Variants in PCDHGA7 observed in about 807,000 individuals in gnomAD.
PCDHGA7 encodes protocadherin gamma-A7.
A neutral mutation model predicts 58.3 loss-of-function variants in PCDHGA7; 44 were observed. The ratio of observed to expected loss-of-function variants is 0.75; its 90% CI spans 0.59 to 0.97. The LOEUF (loss-of-function observed/expected upper bound fraction) is 0.97, where lower values mean the gene tolerates loss of function less well. PCDHGA7 is among the 50% of genes least tolerant of loss of function. The pLI is 0.00. For missense variants in PCDHGA7, 1,266 were observed against 1,188.7 expected, an observed-to-expected ratio of 1.06 and a Z score of -0.96; for synonymous variants, 516 against 504.2, an observed-to-expected ratio of 1.02 and a Z score of -0.31.
intron 2 of PCDHGA7, among the ~76,000 whole-genome samples, chr5:141,502,723 G>C (rs771399677): frequency 3.9e-5 from 6 of 152,124 alleles, no homozygotes; most frequent in Non-Finnish European, 8.8e-5. Flanking sequence ...TGATTACAAA[G>C]CGGTGATGTT....
intron 1 of PCDHGA7, among the ~76,000 whole-genome samples, chr5:141,473,706 G>C (rs1241009670): frequency 6.6e-6 from 1 of 152,186 alleles, no homozygotes; most frequent in African/African-American, 2.4e-5. Context: ...CCTCCAAGTG[G>C]TGCAATGGAA....
chr5:141,383,515 C>G lies in PCDHGA7; in HGVS notation c.616C>G (p.Arg206Gly), dbSNP rs749503295. The change falls in exon 1 of 4, where the codon CGG becomes GGG. Residue 206 changes from arginine to glycine, a missense_variant. Arg to Gly is a moderately radical substitution (Grantham distance 125, BLOSUM62 -2). Transcript: ENST00000518325. ...GCGGGTGCTGGACCGGGAGGAAGAG[C>G]GGGTTCACCACCTGGTCCTCACAGC... Reference protein sequence around the residue: ...LERVLDREEERVHHLVLTASD... With the variant: ...LERVLDREEEGVHHLVLTASD... 1 of 1,612,350 alleles carries G rather than the reference C, an allele frequency of 6.2e-7. No homozygotes were observed. Among genetic ancestry groups the G allele is most frequent in the Non-Finnish European group, 8.5e-7 (1 of 1,179,236 alleles).
At chr5:141,468,697 T>A (rs2099174099) in intron 1 of PCDHGA7, 1 of 151,646 alleles carries the variant, frequency 6.6e-6, no homozygotes, top group Non-Finnish European at 1.5e-5. Context: ...AAACCCCGTC[T>A]CTACTAAAAA....
At chr5:141,423,250 G>T in intron 1 of PCDHGA7, 1 of 1,613,954 alleles carries the variant, frequency 6.2e-7, no homozygotes, top group Non-Finnish European at 8.5e-7. Context: ...AGTCCTGGCG[G>T]ACCTCGGCAG....
chr5:141,399,059 A>T (rs769553635), intron 1 of PCDHGA7: 8 of 1,613,882 alleles, frequency 5.0e-6, no homozygotes, highest in Non-Finnish European at 6.8e-6. Context: ...ACCAAGGAAT[A>T]TTCAATGGTT....
At chr5:141,421,583 G>A (rs765321947) in intron 1 of PCDHGA7, 1 of 1,613,796 alleles carries the variant, frequency 6.2e-7, no homozygotes, top group African/African-American at 1.3e-5. Context: ...AAGATTTACG[G>A]AGTGGAGGTG....
Position 141,477,991 on chromosome 5 carries a change from T to C in PCDHGA7, c.2425-16816T>C, listed in dbSNP as rs774877878. On this transcript the variant is annotated intron_variant, in intron 1 of 3. Transcript: ENST00000518325. The surrounding 1 kb of genome is among the most constrained non-coding windows in gnomAD (Gnocchi z 4.9). The stretch of plus-strand genomic sequence containing the variant: ...GCCTTTTTGCCATAGGGCTGCACAC[T>C]GGTCAAATCAGTACTGCCCGTCCAG... 2 of 1,614,134 alleles carry C rather than the reference T, an allele frequency of 1.2e-6. No individual in the cohort carries two copies. Among genetic ancestry groups the C allele is most frequent in the South Asian group, 2.2e-5 (2 of 91,082 alleles).
intron 1 of PCDHGA7, among the ~76,000 whole-genome samples, chr5:141,438,517 T>G (rs975190211): frequency 6.7e-6 from 1 of 148,384 alleles, no homozygotes; most frequent in Non-Finnish European, 1.5e-5. Context: ...AAACCAATTA[T>G]TTTACATGGA....
intron 1 of PCDHGA7, 162 bp from the exon 2 acceptor site, chr5:141,494,645 G>A: frequency 1.1e-6 from 1 of 935,948 alleles, no homozygotes. Flanking sequence ...GAGACCTGAG[G>A]TGTATTTTGT....
intron 1 of PCDHGA7, among the ~76,000 whole-genome samples, chr5:141,463,438 C>CTTTTTTTTT (rs71576115): frequency 4.8e-5 from 5 of 103,252 alleles, no homozygotes; most frequent in African/African-American, 2.2e-4. Context: ...TTTCCTTCTC[C>CTTTTTTTTT]TTTTTTTTTT....
intron 1 of PCDHGA7, chr5:141,419,499 G>A: frequency 6.2e-7 from 1 of 1,612,368 alleles, no homozygotes; most frequent in Non-Finnish European, 8.5e-7. Context: ...GCCAATGTGA[G>A]CCTGCGCGTG....
intron 1 of PCDHGA7, among the ~76,000 whole-genome samples, chr5:141,434,854 A>G (rs2097723190): frequency 6.6e-6 from 1 of 151,936 alleles, no homozygotes; most frequent in Admixed American, 6.6e-5. Context: ...ACATCAATAA[A>G]TTTATATATA....
At chr5:141,418,742 G>GA in intron 1 of PCDHGA7, 1 of 1,613,896 alleles carries the variant, frequency 6.2e-7, no homozygotes, top group Non-Finnish European at 8.5e-7. Flanking sequence ...GTTCTCTCTG[G>GA]ATTACACTAC....
At chr5:141,497,568 C>G (rs1012946741) in intron 2 of PCDHGA7, among the ~76,000 whole-genome samples, 2 of 140,602 alleles carry the variant, frequency 1.4e-5, no homozygotes, top group African/African-American at 5.4e-5. Flanking sequence ...TAGACAGAGT[C>G]TTGCTCTGTT....
intron 1 of PCDHGA7, chr5:141,394,500 C>A (rs1450931785): frequency 3.7e-6 from 6 of 1,614,124 alleles, no homozygotes; most frequent in Non-Finnish European, 5.1e-6. Context: ...GCCCGAGATC[C>A]TGTACCCCGC....
chr5:141,425,528 C>T (rs2096881702), intron 1 of PCDHGA7, among the ~76,000 whole-genome samples: 1 of 152,200 alleles, frequency 6.6e-6, no homozygotes, highest in African/African-American at 2.4e-5. Context: ...AAACATGAAA[C>T]AATAATCCTT....
chr5:141,474,993 C>A (rs1313232385), intron 1 of PCDHGA7, among the ~76,000 whole-genome samples: 24 of 152,324 alleles, frequency 1.6e-4, no homozygotes. Context: ...GACAACAATT[C>A]TAAATGCAGA....
At position 141,384,872 on chromosome 5, in the gene PCDHGA7, T is replaced by A. The variant is rs773444317; in HGVS notation, c.1973T>A (p.Val658Asp). Residue 658 changes from valine to aspartate, a missense_variant, in exon 1 of 4, where the codon GTC (valine) becomes GAC (aspartate). Val to Asp is a radical substitution (Grantham distance 152, BLOSUM62 -3). Coordinates refer to ENST00000518325, the MANE Select transcript of PCDHGA7 (RefSeq NM_018920.4). ...DHGQPPLSAT[V>D]TLTVAVADSI... ...GGTCAGCCTCCTCTGTCAGCCACCG[T>A]CACACTCACCGTGGCTGTGGCTGAC... is the stretch of plus-strand genomic sequence containing the variant. 1.9e-6 allele frequency: 3 copies of A among 1,613,766 alleles called. No individual in the cohort carries two copies. The highest frequency in any genetic ancestry group is 2.5e-6 in the Non-Finnish European group (3 of 1,179,946).
chr5:141,509,499 T>C (rs895353804), intron 3 of PCDHGA7, among the ~76,000 whole-genome samples: 1 of 152,128 alleles, frequency 6.6e-6, no homozygotes, highest in Non-Finnish European at 1.5e-5. Flanking sequence ...GCATGCTGGA[T>C]GTGACGGTGT....
Sources: gnomAD v4.1 joint callset for allele counts (sites outside exome capture counted in the v4.1 genomes callset) on GRCh38, gnomAD v4.1.1 for gene constraint, Gnocchi (gnomAD v3.1) non-coding constraint, MANE v1.5 for transcripts, NCBI Gene and HGNC (gene_info 2026-07-23, HGNC 2026-07-21) for gene names.